GRM7: variants seen among roughly 807,000 people sequenced by gnomAD.
The protein encoded by GRM7 is metabotropic glutamate receptor 7.
Under a neutral mutation model 84.5 loss-of-function variants are expected in GRM7, and 35 were observed. That is an observed-to-expected ratio of 0.41 (90% confidence interval 0.32 to 0.55). The LOEUF (loss-of-function observed/expected upper bound fraction) is 0.55. Among genes scored for constraint, GRM7 ranks in the 20% least tolerant of loss-of-function variants. GRM7 has a pLI of 0.19. For missense variants in GRM7, 1,003 were observed against 1,194.6 expected, an observed-to-expected ratio of 0.84 and a Z score of 2.36; for synonymous variants, 487 against 455.1, an observed-to-expected ratio of 1.07 and a Z score of -0.89.
chr3:7,525,606 G>T (rs555913841), intron 7 of GRM7, among the ~76,000 whole-genome samples: 2 of 152,036 alleles, frequency 1.3e-5, no homozygotes, highest in South Asian at 2.1e-4. Context: ...TTGTTGCAAG[G>T]GTATACTGAA....
At chr3:7,198,550 C>T (rs1277776341) in intron 2 of GRM7, among the ~76,000 whole-genome samples, 2 of 152,260 alleles carry the variant, frequency 1.3e-5, no homozygotes, top group South Asian at 2.1e-4. Context: ...AGTCAAAATA[C>T]ATTTACTAAA....
At chr3:7,510,140 C>T (rs1191059546) in intron 7 of GRM7, among the ~76,000 whole-genome samples, 1 of 152,092 alleles carries the variant, frequency 6.6e-6, no homozygotes, top group East Asian at 1.9e-4. Context: ...CCCTACCTTT[C>T]CCCCAGTAAG....
At chr3:7,258,899 G>C (rs1698305455) in intron 2 of GRM7, among the ~76,000 whole-genome samples, 1 of 152,212 alleles carries the variant, frequency 6.6e-6, no homozygotes, top group Admixed American at 6.5e-5. Context: ...ACAGGTAAAT[G>C]TGGCAATCCA....
At chr3:7,006,560 A>G (rs188123712) in intron 1 of GRM7, among the ~76,000 whole-genome samples, 6 of 152,344 alleles carry the variant, frequency 3.9e-5, no homozygotes, top group South Asian at 2.1e-4. Flanking sequence ...TAGTAATAAT[A>G]TAAGTCTTTG....
intron 7 of GRM7, among the ~76,000 whole-genome samples, chr3:7,544,445 G>A (rs187453871): frequency 6.6e-5 from 10 of 152,242 alleles, no homozygotes; most frequent in African/African-American, 2.2e-4. Context: ...TTAGGAGGAG[G>A]TAAAGTAGCA....
At chr3:7,541,093 C>T (rs1308600543) in intron 7 of GRM7, among the ~76,000 whole-genome samples, 1 of 152,012 alleles carries the variant, frequency 6.6e-6, no homozygotes, top group Admixed American at 6.6e-5. Flanking sequence ...CAGGAAAAGT[C>T]AGGAGTTTGG....
At chr3:7,449,864 T>C (rs975212458) in intron 5 of GRM7, among the ~76,000 whole-genome samples, 1 of 152,092 alleles carries the variant, frequency 6.6e-6, no homozygotes, top group South Asian at 2.1e-4. Context: ...AGAGAAAACA[T>C]GGATGAAAAC....
chr3:7,176,495 T>C (rs949529419), intron 2 of GRM7, among the ~76,000 whole-genome samples: 1 of 152,214 alleles, frequency 6.6e-6, no homozygotes, highest in Admixed American at 6.5e-5. Context: ...TTCGTCTTTA[T>C]TCATTCAGTG....
At chr3:7,580,151 A>C (rs1423512166) in intron 8 of GRM7, among the ~76,000 whole-genome samples, 3 of 152,246 alleles carry the variant, frequency 2.0e-5, no homozygotes, top group African/African-American at 7.2e-5. Flanking sequence ...TTGATTCTAG[A>C]CATGATTCTT....
At chr3:7,407,164 T>A (rs1289267706) in intron 4 of GRM7, among the ~76,000 whole-genome samples, 3 of 152,158 alleles carry the variant, frequency 2.0e-5, no homozygotes, top group Non-Finnish European at 2.9e-5. Flanking sequence ...GGGGTTCAAG[T>A]TGGCATTGCC....
At chr3:7,547,880 A>G (rs894946264) in intron 7 of GRM7, among the ~76,000 whole-genome samples, 1 of 152,238 alleles carries the variant, frequency 6.6e-6, no homozygotes, top group African/African-American at 2.4e-5. Flanking sequence ...ACTCAACAGC[A>G]AGTGAATCAT....
At chr3:7,627,847 T>G (rs1697685458) in intron 8 of GRM7, among the ~76,000 whole-genome samples, 1 of 152,184 alleles carries the variant, frequency 6.6e-6, no homozygotes, top group South Asian at 2.1e-4. Context: ...TTTCTTTTTA[T>G]AAGGCTACCA....
intron 4 of GRM7, among the ~76,000 whole-genome samples, chr3:7,370,700 G>A (rs564162734): frequency 7.9e-5 from 12 of 152,070 alleles, no homozygotes; most frequent in Non-Finnish European, 1.2e-4. Flanking sequence ...GACTAGAAAC[G>A]ACTCCCCTCC....
chr3:7,324,648 G>C (rs1169483831), intron 4 of GRM7, among the ~76,000 whole-genome samples: 1 of 151,964 alleles, frequency 6.6e-6, no homozygotes, highest in African/African-American at 2.4e-5. Context: ...TTGTTGGTTT[G>C]TTTTACTCTG....
At position 7,080,374 on chromosome 3, in the gene GRM7, A is replaced by T. The variant is rs139860594; in HGVS notation, c.520-66078A>T. Among the ~76,000 whole-genome samples, 434 of 152,098 alleles carry T rather than the reference A, an allele frequency of 2.9e-3. 5 individuals carry two copies. The highest frequency in any genetic ancestry group is 0.022 in the South Asian group (104 of 4,820). Reference sequence around the variant, plus strand: ...GTGTACTCTTCGCTTTGGTGATGTGATTCATAGTCATGAAATTATTGACCG... The same window carrying T: ...GTGTACTCTTCGCTTTGGTGATGTGTTTCATAGTCATGAAATTATTGACCG... On this transcript the variant is annotated intron_variant, in intron 1 of 9. Transcript: ENST00000357716.
chr3:6,938,271 T>G (rs1697759492), intron 1 of GRM7, among the ~76,000 whole-genome samples: 1 of 152,250 alleles, frequency 6.6e-6, no homozygotes, highest in Non-Finnish European at 1.5e-5. Flanking sequence ...TATTATCAAC[T>G]TCTTTCCCAT....
rs188927049 is a variant in GRM7 at position 7,723,974 on chromosome 3, C to T, written c.2699-16383C>T. Among the ~76,000 whole-genome samples the T allele has an allele frequency of 2.8e-3, 428 of 152,234 alleles. 7 individuals carry two copies. The highest frequency in any genetic ancestry group is 0.02 in the Middle Eastern group (6 of 294). ...CCAGTATCCATCCACCATCTCCTAC[C>T]TGGATTCTAAGCTAGCTTCAAAGCA... is the stretch of plus-strand genomic sequence containing the variant. On this transcript the variant is annotated intron_variant, in intron 9 of 9. Transcript: ENST00000357716.
intron 4 of GRM7, among the ~76,000 whole-genome samples, chr3:7,408,551 C>T (rs751183823): frequency 2.0e-5 from 3 of 152,082 alleles, no homozygotes; most frequent in African/African-American, 7.2e-5. Flanking sequence ...CTAGCCAAGC[C>T]GATTTACATG....
chr3:7,541,090 AG>A (rs747880914), intron 7 of GRM7, among the ~76,000 whole-genome samples: 2 of 152,118 alleles, frequency 1.3e-5, no homozygotes, highest in Non-Finnish European at 2.9e-5. Flanking sequence ...GGCCAGGAAA[AG>A]TCAGGAGTTT....
Sources: allele counts gnomAD v4.1 joint callset (sites outside exome capture counted in the v4.1 genomes callset), GRCh38; gene constraint gnomAD v4.1.1; transcripts MANE v1.5; gene names NCBI Gene and HGNC (gene_info 2026-07-23, HGNC 2026-07-21).